PCDHGB5: variants seen among roughly 807,000 people sequenced by gnomAD.
PCDHGB5 encodes protocadherin gamma subfamily B, 5.
PCDHGB5 carries 48 observed loss-of-function variants against 62.9 expected under a neutral mutation model. That is an observed-to-expected ratio of 0.76 (90% CI 0.61 to 0.97). The LOEUF is 0.97. PCDHGB5 is among the 50% of genes least tolerant of loss of function. PCDHGB5 has a pLI of 0.00. For synonymous variants in PCDHGB5, 474 were observed against 511.2 expected, an observed-to-expected ratio of 0.93 and a Z score of 0.98; for missense variants, 1,118 against 1,198.6, an observed-to-expected ratio of 0.93 and a Z score of 0.99.
intron 2 of PCDHGB5, among the ~76,000 whole-genome samples, chr5:141,504,621 T>A (rs1185981312): frequency 7.9e-6 from 1 of 126,856 alleles, no homozygotes; most frequent in Non-Finnish European, 1.6e-5. Flanking sequence ...GATAGGAAAG[T>A]GCACCTTGGA....
rs1562106021 is a variant in PCDHGB5 at position 141,485,561 on chromosome 5, G to T, written c.2398-9246G>T. 6.2e-7 allele frequency: 1 copy of T among 1,613,008 alleles called. No individual in the cohort carries two copies. Among genetic ancestry groups the T allele is most frequent in the Non-Finnish European group, 8.5e-7 (1 of 1,179,122 alleles). ...AGAGATCGTAGATGTGAATGATCAC[G>T]CCCCCCGTTTTCCGCGGCAGCAGCT... On this transcript the variant is annotated intron_variant, in intron 1 of 3. Coordinates refer to ENST00000617380, the MANE Select transcript of PCDHGB5 (RefSeq NM_018925.3). The surrounding 1 kb of genome is among the most constrained non-coding windows in gnomAD (Gnocchi z 5.7).
rs951029522 is a variant in PCDHGB5, at chr5:141,487,944, G to A, written c.2398-6863G>A. 6.6e-6 allele frequency among the ~76,000 whole-genome samples: 1 copy of A among 152,164 alleles called. No homozygotes were observed. Among genetic ancestry groups the A allele is most frequent in the Admixed American group, 6.5e-5 (1 of 15,282 alleles). On this transcript the variant is annotated intron_variant, in intron 1 of 3. Transcript: ENST00000617380. The surrounding 1 kb of genome is among the most constrained non-coding windows in gnomAD (Gnocchi z 5.0). ...ACAGTGCACAGGGTACAGTGCACCA[G>A]GCAGTCACTTGGACAAAGGTGGCTG...
intron 1 of PCDHGB5, chr5:141,413,602 G>A (rs1561743581): frequency 6.2e-7 from 1 of 1,613,860 alleles, no homozygotes; most frequent in Non-Finnish European, 8.5e-7. Flanking sequence ...AGAAAATCTA[G>A]ACGTAAAAAT....
Position 141,477,200 on chromosome 5 carries a change from C to T in PCDHGB5, c.2398-17607C>T. ...AGTCACCTCCGTGTACAGCCCAGTACCCGAGGATGCCCCTCTGGGGACTGT... is the reference window on the plus strand; with the variant it reads ...AGTCACCTCCGTGTACAGCCCAGTATCCGAGGATGCCCCTCTGGGGACTGT... On this transcript the variant is annotated intron_variant, in intron 1 of 3. Transcript: ENST00000617380. This position sits in a 1 kb window ranked among gnomAD's most constrained non-coding sequence, Gnocchi z 4.9. The T allele has an allele frequency of 1.2e-6, 2 of 1,614,206 alleles. No individual in the cohort carries two copies. The highest frequency in any genetic ancestry group is 1.3e-5 in the African/African-American group (1 of 75,056).
chr5:141,490,942 C>A lies in PCDHGB5; in HGVS notation c.2398-3865C>A, dbSNP rs371286343. On this transcript the variant is annotated intron_variant, in intron 1 of 3. Coordinates refer to ENST00000617380, the MANE Select transcript of PCDHGB5 (RefSeq NM_018925.3). This position sits in a 1 kb window ranked among gnomAD's most constrained non-coding sequence, Gnocchi z 5.4. ...TAATGCCCCAGCTGTGCTGCACCCA[C>A]GGCCAGACTGGGAACACTCAGCCCC... The A allele has an allele frequency of 3.0e-5, 49 of 1,613,526 alleles. No individual in the cohort carries two copies. The highest frequency in any genetic ancestry group is 4.1e-5 in the Non-Finnish European group (48 of 1,179,768).
chr5:141,455,476 G>C (rs2098823789), intron 1 of PCDHGB5, among the ~76,000 whole-genome samples: 1 of 152,218 alleles, frequency 6.6e-6, no homozygotes. Flanking sequence ...ATATGCAGAG[G>C]CTGGTGGAGG....
chr5:141,486,456 C>G lies in PCDHGB5; in HGVS notation c.2398-8351C>G. ...AGCTATGACATCATGGTCACTGCTT[C>G]TGATGCTGGGAACCCTCCTCTCAGT... is the stretch of plus-strand genomic sequence containing the variant. On this transcript the variant is annotated intron_variant, in intron 1 of 3. Transcript: ENST00000617380. The surrounding 1 kb of genome is among the most constrained non-coding windows in gnomAD (Gnocchi z 5.0). The G allele has an allele frequency of 1.9e-6, 3 of 1,614,052 alleles. No homozygotes were observed. In the South Asian group the frequency reaches 3.3e-5, roughly 18 times the overall value.
chr5:141,487,919 A>G lies in PCDHGB5; in HGVS notation c.2398-6888A>G, dbSNP rs548678238. ...ATGGAATGTGGGAGCACAGGAGGCTACAGTGCACAGGGTACAGTGCACCAG... is the reference window on the plus strand; with the variant it reads ...ATGGAATGTGGGAGCACAGGAGGCTGCAGTGCACAGGGTACAGTGCACCAG... On this transcript the variant is annotated intron_variant, in intron 1 of 3. Transcript: ENST00000617380. The surrounding 1 kb of genome is among the most constrained non-coding windows in gnomAD (Gnocchi z 5.0). 23 of 644,878 alleles carry G rather than the reference A, an allele frequency of 3.6e-5. No individual in the cohort carries two copies. Among genetic ancestry groups the G allele is most frequent in the Non-Finnish European group, 5.6e-5 (21 of 374,374 alleles). 39.9% of individuals were successfully genotyped at this position (644,878 alleles called of 1,614,324 possible). A position where few individuals can be genotyped will look rare whatever the true frequency, so the allele number is the denominator to read the frequency against.
intron 1 of PCDHGB5, chr5:141,419,499 G>A: frequency 6.2e-7 from 1 of 1,612,368 alleles, no homozygotes; most frequent in Non-Finnish European, 8.5e-7. Context: ...GCCAATGTGA[G>A]CCTGCGCGTG....
chr5:141,418,013 A>C (rs769578436), intron 1 of PCDHGB5: 2 of 1,613,906 alleles, frequency 1.2e-6, no homozygotes, highest in African/African-American at 2.7e-5. Flanking sequence ...GAACCTCGCT[A>C]AGGATCTAGG....
intron 1 of PCDHGB5, chr5:141,421,105 G>A: frequency 1.4e-6 from 1 of 700,910 alleles, no homozygotes; most frequent in Non-Finnish European, 2.3e-6. Context: ...TGGAGACTTA[G>A]AAGTATTTTC....
At chr5:141,409,832 G>A (rs777679132) in intron 1 of PCDHGB5, 20 of 1,610,814 alleles carry the variant, frequency 1.2e-5, no homozygotes, top group Non-Finnish European at 1.6e-5. Context: ...CACGCTCAGC[G>A]CCAACGTGAG....
intron 1 of PCDHGB5, among the ~76,000 whole-genome samples, chr5:141,457,984 A>G (rs1210742359): frequency 2.0e-5 from 3 of 152,226 alleles, no homozygotes; most frequent in Non-Finnish European, 1.5e-5. Context: ...ACACCCTTTC[A>G]GTTAAAGCCT....
rs2099748032 is a variant in PCDHGB5 at position 141,493,397 on chromosome 5, G to A, written c.2398-1410G>A. ...TTAAAAGCTTGAGGACAGGAGAGGG[G>A]AGTTGCCTCTGCTGGGATTTTGCTT... On this transcript the variant is annotated intron_variant, in intron 1 of 3. Coordinates refer to ENST00000617380, the MANE Select transcript of PCDHGB5 (RefSeq NM_018925.3). This position sits in a 1 kb window ranked among gnomAD's most constrained non-coding sequence, Gnocchi z 4.3. Among the ~76,000 whole-genome samples the A allele has an allele frequency of 6.6e-6, 1 of 152,176 alleles. No individual in the cohort carries two copies. Among genetic ancestry groups the A allele is most frequent in the Non-Finnish European group, 1.5e-5 (1 of 68,040 alleles).
intron 1 of PCDHGB5, chr5:141,408,572 G>A (rs745760240): frequency 4.3e-6 from 7 of 1,614,048 alleles, no homozygotes; most frequent in East Asian, 2.2e-5. Flanking sequence ...TGTGGTGATT[G>A]AGGATGTTAA....
chr5:141,483,456 G>T (rs2099581503), intron 1 of PCDHGB5, among the ~76,000 whole-genome samples: 1 of 152,180 alleles, frequency 6.6e-6, no homozygotes, highest in Admixed American at 6.5e-5. Context: ...ATCAGGACTT[G>T]TTGATTGACA....
At chr5:141,500,152 A>C (rs1301287171) in intron 2 of PCDHGB5, among the ~76,000 whole-genome samples, 1 of 151,610 alleles carries the variant, frequency 6.6e-6, no homozygotes, top group African/African-American at 2.4e-5. Flanking sequence ...TTCTTTGTGT[A>C]ATCAAAGAAC....
chr5:141,476,977 C>T lies in PCDHGB5; in HGVS notation c.2398-17830C>T, dbSNP rs141692339. 3,083 of 1,614,232 alleles carry T rather than the reference C, an allele frequency of 1.9e-3. 52 individuals carry two copies. The African/African-American group carries it at 0.034, about 18-fold the overall frequency. Reference sequence around the variant, plus strand: ...TTATTTACTCCTTCGGCAGCCACAACCGCGCCGGCGTGCGGCAACTATTCG... The same window carrying T: ...TTATTTACTCCTTCGGCAGCCACAATCGCGCCGGCGTGCGGCAACTATTCG... On this transcript the variant is annotated intron_variant, in intron 1 of 3. Coordinates refer to ENST00000617380, the MANE Select transcript of PCDHGB5 (RefSeq NM_018925.3). This position sits in a 1 kb window ranked among gnomAD's most constrained non-coding sequence, Gnocchi z 7.6.
rs775270875 is a variant in PCDHGB5 at position 141,410,577 on chromosome 5, A to G, written c.2397+10053A>G. ...TCTCCTGGAGCCTTAATTCCACCTCATGGTGGGGAGGATTTGACTTCACAT... is the reference window on the plus strand; with the variant it reads ...TCTCCTGGAGCCTTAATTCCACCTCGTGGTGGGGAGGATTTGACTTCACAT... On this transcript the variant is annotated intron_variant, in intron 1 of 3. Coordinates refer to ENST00000617380, the MANE Select transcript of PCDHGB5 (RefSeq NM_018925.3). 4 of 1,610,116 alleles carry G rather than the reference A, an allele frequency of 2.5e-6. No homozygotes were observed. In the Admixed American group the frequency reaches 5.0e-5, roughly 20 times the overall value.
Sources: gnomAD v4.1 joint callset for allele counts (sites outside exome capture counted in the v4.1 genomes callset) on GRCh38, gnomAD v4.1.1 for gene constraint, Gnocchi (gnomAD v3.1) non-coding constraint, MANE v1.5 for transcripts, NCBI Gene and HGNC (gene_info 2026-07-23, HGNC 2026-07-21) for gene names.